Variants in CNTN5 observed in about 807,000 individuals in gnomAD.
The protein encoded by CNTN5 is contactin-5.
CNTN5 carries 77 observed loss-of-function variants against 129.1 expected under a neutral mutation model. That is an observed-to-expected ratio of 0.60 (90% CI 0.50 to 0.72). The LOEUF (loss-of-function observed/expected upper bound fraction) is 0.72, where lower values mean the gene tolerates loss of function less well. Among genes scored for constraint, CNTN5 ranks in the 30% least tolerant of loss-of-function variants. The probability of loss-of-function intolerance (pLI) is 0.00; values close to 1 mark genes in which losing one functional copy is unlikely to be tolerated. For synonymous variants in CNTN5, 509 were observed against 465.6 expected, an observed-to-expected ratio of 1.09 and a Z score of -1.20; for missense variants, 1,478 against 1,328.8, an observed-to-expected ratio of 1.11 and a Z score of -1.75.
chr11:99,702,874 A>G lies in CNTN5; in HGVS notation c.56-116670A>G, dbSNP rs544638920. ...TCTCCAGGAAAGAAGAAATACTCTCATTTATTTTTGTTTGTGAGATAGCCT... is the reference window on the plus strand; with the variant it reads ...TCTCCAGGAAAGAAGAAATACTCTCGTTTATTTTTGTTTGTGAGATAGCCT... On this transcript the variant is annotated intron_variant, in intron 3 of 24. Transcript: ENST00000524871. Among the ~76,000 whole-genome samples, 666 of 151,054 alleles carry G rather than the reference A, an allele frequency of 4.4e-3. 6 individuals carry two copies. The highest frequency in any genetic ancestry group is 4.8e-3 in the Non-Finnish European group (326 of 67,224).
chr11:99,716,713 C>T (rs950212376), intron 3 of CNTN5, among the ~76,000 whole-genome samples: 1 of 152,024 alleles, frequency 6.6e-6, no homozygotes, highest in East Asian at 1.9e-4. Flanking sequence ...AAGGATAGAG[C>T]TCTCAATATT....
chr11:99,433,371 A>AAATGTGTGTGTG (rs1555143805), intron 2 of CNTN5, among the ~76,000 whole-genome samples: 118 of 140,894 alleles, frequency 8.4e-4, no homozygotes, highest in Middle Eastern at 3.6e-3. Flanking sequence ...TAAAAAAAAA[A>AAATGTGTGTGTG]TGTGTGTGTG....
chr11:100,120,133 G>A (rs953009615), intron 13 of CNTN5, among the ~76,000 whole-genome samples: 4 of 151,794 alleles, frequency 2.6e-5, no homozygotes, highest in Non-Finnish European at 5.9e-5. Flanking sequence ...GTCCCCAGAT[G>A]TGTTGTTTTT....
intron 13 of CNTN5, among the ~76,000 whole-genome samples, chr11:100,119,850 G>T (rs973398109): frequency 4.6e-5 from 7 of 151,910 alleles, no homozygotes; most frequent in African/African-American, 1.7e-4. Context: ...TGAGACTAGA[G>T]ATTATTAAAC....
intron 8 of CNTN5, among the ~76,000 whole-genome samples, chr11:99,974,054 G>A (rs1186685051): frequency 6.6e-6 from 1 of 152,190 alleles, no homozygotes; most frequent in Non-Finnish European, 1.5e-5. Context: ...CATCTTTGGA[G>A]CTGTAGAGGA....
chr11:100,096,532 C>G (rs1158089924), intron 13 of CNTN5, among the ~76,000 whole-genome samples: 1 of 152,070 alleles, frequency 6.6e-6, no homozygotes, highest in Non-Finnish European at 1.5e-5. Context: ...ATCACTGTTG[C>G]TACCATTCTC....
intron 1 of CNTN5, among the ~76,000 whole-genome samples, chr11:99,248,642 A>C (rs554711081): frequency 6.6e-6 from 1 of 152,276 alleles, no homozygotes; most frequent in African/African-American, 2.4e-5. Flanking sequence ...TTTTTGTATA[A>C]GAAATGTAAG....
intron 7 of CNTN5, among the ~76,000 whole-genome samples, chr11:99,949,621 C>A (rs1230077720): frequency 2.6e-4 from 40 of 152,094 alleles, no homozygotes; most frequent in Admixed American, 2.6e-3. Context: ...TTCAATACAA[C>A]GTAAATTAAA....
At position 99,898,112 on chromosome 11, in the gene CNTN5, A is replaced by C. The variant is rs921854826; in HGVS notation, c.578-17942A>C. 1.3e-5 allele frequency among the ~76,000 whole-genome samples: 2 copies of C among 151,570 alleles called. 1 individual carries two copies. The highest frequency in any genetic ancestry group is 3.0e-5 in the Non-Finnish European group (2 of 67,640). Reference sequence around the variant, plus strand: ...AAATTTTATAGCATTAAATGCCTACATAAAAAATAGAAAAATCTTCAGCTG... The same window carrying C: ...AAATTTTATAGCATTAAATGCCTACCTAAAAAATAGAAAAATCTTCAGCTG... On this transcript the variant is annotated intron_variant, in intron 6 of 24. Transcript: ENST00000524871.
At chr11:99,868,145 G>A (rs879856873) in intron 6 of CNTN5, among the ~76,000 whole-genome samples, 1 of 151,970 alleles carries the variant, frequency 6.6e-6, no homozygotes. Context: ...GAACCCAGGA[G>A]GCGGAGGTTG....
At chr11:99,191,618 C>A (rs1423659241) in intron 1 of CNTN5, among the ~76,000 whole-genome samples, 3 of 151,736 alleles carry the variant, frequency 2.0e-5, no homozygotes, top group Non-Finnish European at 3.0e-5. Context: ...TATCAAGTAT[C>A]TTTCCTGATG....
intron 3 of CNTN5, among the ~76,000 whole-genome samples, chr11:99,598,281 T>G (rs199649846): frequency 0.045 from 202 of 4,528 alleles, 1 homozygote; most frequent in Middle Eastern, 0.12. Context: ...TTTCTTTTCT[T>G]TTCTTTTCTT....
intron 7 of CNTN5, among the ~76,000 whole-genome samples, chr11:99,945,484 C>CTGTG (rs1308074890): frequency 1.4e-5 from 1 of 69,592 alleles, no homozygotes; most frequent in South Asian, 5.8e-4. Context: ...AATAAAACCT[C>CTGTG]TGTGCGTGTG....
intron 1 of CNTN5, among the ~76,000 whole-genome samples, chr11:99,033,753 C>T (rs1206251436): frequency 1.3e-5 from 2 of 151,920 alleles, no homozygotes; most frequent in South Asian, 2.1e-4. Context: ...AATTGAATAC[C>T]CTTTATTTCC....
At chr11:99,322,230 C>T (rs1054701581) in intron 1 of CNTN5, among the ~76,000 whole-genome samples, 8 of 152,084 alleles carry the variant, frequency 5.3e-5, no homozygotes, top group African/African-American at 1.9e-4. Context: ...CAGTCGGCGG[C>T]CTTACTCCTG....
At chr11:99,913,181 C>T (rs913217471) in intron 6 of CNTN5, among the ~76,000 whole-genome samples, 5 of 151,970 alleles carry the variant, frequency 3.3e-5, no homozygotes, top group African/African-American at 1.2e-4. Flanking sequence ...AAGAAATTAA[C>T]TCCTTTCTCT....
At chr11:99,475,818 C>T (rs1201365671) in intron 2 of CNTN5, among the ~76,000 whole-genome samples, 1 of 151,540 alleles carries the variant, frequency 6.6e-6, no homozygotes, top group African/African-American at 2.4e-5. Flanking sequence ...TTCTATTTCC[C>T]TCTTTAACAT....
intron 3 of CNTN5, among the ~76,000 whole-genome samples, chr11:99,676,377 A>G (rs1003952258): frequency 6.6e-6 from 1 of 152,206 alleles, no homozygotes; most frequent in African/African-American, 2.4e-5. Context: ...TTCAGAAGCC[A>G]CCTGGTGATA....
At chr11:99,170,420 T>A (rs1365217515) in intron 1 of CNTN5, among the ~76,000 whole-genome samples, 1 of 152,178 alleles carries the variant, frequency 6.6e-6, no homozygotes, top group Non-Finnish European at 1.5e-5. Context: ...TTGCAAGATG[T>A]CTAACCTAGG....
Sources: allele counts gnomAD v4.1 joint callset (sites outside exome capture counted in the v4.1 genomes callset), GRCh38; gene constraint gnomAD v4.1.1; transcripts MANE v1.5; gene names NCBI Gene and HGNC (gene_info 2026-07-23, HGNC 2026-07-21).